The following NR2C2 variants were observed in gnomAD, a reference collection of about 807,000 sequenced individuals.
The protein encoded by NR2C2 is nuclear receptor subfamily 2 group C member 2.
NR2C2 carries 6 observed loss-of-function variants against 62.9 expected under a neutral mutation model. That is an observed-to-expected ratio of 0.10 (90% confidence interval 0.05 to 0.19). NR2C2 has a LOEUF of 0.19. Among genes scored for constraint, NR2C2 ranks in the 10% least tolerant of loss-of-function variants. The pLI is 1.00. For missense variants in NR2C2, 479 were observed against 762.7 expected (o/e 0.63, Z 4.38); for synonymous variants, 272 against 273.8 (o/e 0.99, Z 0.07).
chr3:14,955,748 C>G (rs1023261035), intron 1 of NR2C2, among the ~76,000 whole-genome samples: 3 of 152,188 alleles, frequency 2.0e-5, no homozygotes, highest in African/African-American at 7.2e-5. Flanking sequence ...TACCCTGGCT[C>G]TTACTGATAG....
intron 11 of NR2C2, among the ~76,000 whole-genome samples, chr3:15,035,779 C>G (rs1324071278): frequency 6.6e-6 from 1 of 152,260 alleles, no homozygotes; most frequent in African/African-American, 2.4e-5. Flanking sequence ...ATAATCCCAG[C>G]ACTTTGGGAG....
In NR2C2 at chr3:14,958,526, T is replaced by G. The variant is rs555776842; in HGVS notation, c.-40+10620T>G. On this transcript the variant is annotated intron_variant, in intron 1 of 13. Coordinates refer to ENST00000425241, the MANE Select transcript of NR2C2 (RefSeq NM_001291694.2). ...AGCGAGTTTAGTGTTCTGTCCACAG[T>G]GGTTGTTAATATAATGCCTTGTGTA... is the stretch of plus-strand genomic sequence containing the variant. Among the ~76,000 whole-genome samples the G allele has an allele frequency of 6.6e-5, 10 of 152,336 alleles. No homozygotes were observed. The East Asian group carries it at 1.9e-3, about 29-fold the overall frequency.
chr3:15,019,016 T>TAAA (rs35022020), intron 4 of NR2C2, among the ~76,000 whole-genome samples: 6 of 76,484 alleles, frequency 7.8e-5, no homozygotes, highest in African/African-American at 1.2e-4. Context: ...ACTCTTGTCT[T>TAAA]AAAAAAAAAA....
At chr3:14,968,346 AAAG>A (rs1287380497) in intron 1 of NR2C2, among the ~76,000 whole-genome samples, 1 of 152,208 alleles carries the variant, frequency 6.6e-6, no homozygotes, top group African/African-American at 2.4e-5. Flanking sequence ...ACACTTCTCA[AAAG>A]AAGACATTTA....
At chr3:15,021,707 C>T (rs2041671099) in intron 5 of NR2C2, among the ~76,000 whole-genome samples, 1 of 152,160 alleles carries the variant, frequency 6.6e-6, no homozygotes, top group African/African-American at 2.4e-5. Flanking sequence ...GGCTGGTGGC[C>T]GAGGACCCAG....
At chr3:15,009,747 A>AT (rs1258755082) in intron 2 of NR2C2, among the ~76,000 whole-genome samples, 1 of 152,194 alleles carries the variant, frequency 6.6e-6, no homozygotes, top group Non-Finnish European at 1.5e-5. Flanking sequence ...GCTTAAAACA[A>AT]TAGAAATTTA....
chr3:15,004,547 T>A, intron 2 of NR2C2: 2 of 1,606,382 alleles, frequency 1.2e-6, no homozygotes, highest in Non-Finnish European at 8.5e-7. Context: ...TGGGAAGTTG[T>A]CTTCCCTAGG....
At chr3:15,018,848 C>G (rs951146625) in intron 4 of NR2C2, among the ~76,000 whole-genome samples, 2 of 151,740 alleles carry the variant, frequency 1.3e-5, no homozygotes, top group African/African-American at 4.8e-5. Context: ...AAAACCGTCT[C>G]TACTAAAAAT....
At chr3:15,033,097 A>C (rs1416099501) in intron 10 of NR2C2, among the ~76,000 whole-genome samples, 2 of 152,186 alleles carry the variant, frequency 1.3e-5, no homozygotes, top group African/African-American at 4.8e-5. Flanking sequence ...GGTGGCTGGC[A>C]GTCTGGTTGA....
At chr3:14,968,114 C>T (rs2039914700) in intron 1 of NR2C2, among the ~76,000 whole-genome samples, 1 of 152,212 alleles carries the variant, frequency 6.6e-6, no homozygotes, top group Non-Finnish European at 1.5e-5. Context: ...AAAGCAATGG[C>T]AACCAAAGCC....
intron 1 of NR2C2, among the ~76,000 whole-genome samples, chr3:14,951,650 C>A (rs1382068524): frequency 6.6e-6 from 1 of 152,072 alleles, no homozygotes; most frequent in African/African-American, 2.4e-5. Flanking sequence ...TAGTTGTATT[C>A]ACAGTGACTT....
intron 1 of NR2C2, among the ~76,000 whole-genome samples, chr3:14,998,672 A>G (rs1272562157): frequency 6.6e-6 from 1 of 152,038 alleles, no homozygotes; most frequent in Non-Finnish European, 1.5e-5. Context: ...CCCATTTTAT[A>G]GGTTGTCTTT....
intron 1 of NR2C2, among the ~76,000 whole-genome samples, chr3:14,995,719 A>G (rs1308058043): frequency 1.4e-5 from 2 of 145,610 alleles, no homozygotes; most frequent in Non-Finnish European, 3.0e-5. Flanking sequence ...TTGCTGGTCA[A>G]ATAGTAACTA....
chr3:14,994,121 A>T (rs756830953), intron 1 of NR2C2, among the ~76,000 whole-genome samples: 28 of 152,170 alleles, frequency 1.8e-4, no homozygotes, highest in Admixed American at 3.3e-4. Flanking sequence ...ACTTTCTGAG[A>T]TATGTGAAAT....
At chr3:15,020,730 G>C in intron 4 of NR2C2, 23 bp from the exon 5 acceptor site, 1 of 1,611,368 alleles carries the variant, frequency 6.2e-7, no homozygotes, top group Non-Finnish European at 8.5e-7. Context: ...CAAAATATTT[G>C]TGTATTCTTT....
chr3:15,030,495 G>A (rs371123452), intron 9 of NR2C2, 43 bp downstream of exon 9: 7 of 1,522,572 alleles, frequency 4.6e-6, no homozygotes, highest in Non-Finnish European at 3.5e-6. Flanking sequence ...ACCTGCTGGG[G>A]GATAGGTTCT....
chr3:14,969,244 CTTTT>C (rs35048015), intron 1 of NR2C2, among the ~76,000 whole-genome samples: 5 of 125,796 alleles, frequency 4.0e-5, no homozygotes, highest in African/African-American at 3.0e-5. Flanking sequence ...AATAAAGATT[CTTTT>C]TTTTTTTTTT....
chr3:14,981,330 G>A (rs376633803), intron 1 of NR2C2, among the ~76,000 whole-genome samples: 7 of 152,054 alleles, frequency 4.6e-5, no homozygotes, highest in East Asian at 1.9e-4. Context: ...TAGGCCGGGC[G>A]CGGTGCCTCA....
intron 1 of NR2C2, among the ~76,000 whole-genome samples, chr3:14,949,366 C>G (rs987703518): frequency 6.6e-6 from 1 of 152,170 alleles, no homozygotes; most frequent in African/African-American, 2.4e-5. Context: ...CAGGACATCC[C>G]GTGTAACGGC....
Sources: allele counts gnomAD v4.1 joint callset (sites outside exome capture counted in the v4.1 genomes callset), GRCh38; gene constraint gnomAD v4.1.1; transcripts MANE v1.5; gene names NCBI Gene and HGNC (gene_info 2026-07-23, HGNC 2026-07-21).